Variants in CYS1 observed in about 807,000 individuals in gnomAD.
CYS1 encodes cystin-1.
In CYS1, 5 loss-of-function variants were observed where a neutral mutation model predicts 9.6. The ratio of observed to expected loss-of-function variants is 0.52; its 90% CI spans 0.27 to 1.10. The LOEUF (loss-of-function observed/expected upper bound fraction) is 1.10, where lower values mean the gene tolerates loss of function less well. CYS1 is among the 50% of genes least tolerant of loss of function. The pLI is 0.11. For synonymous variants in CYS1, 88 were observed against 95.7 expected, an observed-to-expected ratio of 0.92 and a Z score of 0.47; for missense variants, 221 against 207.9, an observed-to-expected ratio of 1.06 and a Z score of -0.39.
At chr2:10,061,252 C>CAAA (rs1558356692) in intron 2 of CYS1, among the ~76,000 whole-genome samples, 5,347 of 151,918 alleles carry the variant, frequency 0.035, 338 homozygotes, top group African/African-American at 0.12. Flanking sequence ...AACCAACCAA[C>CAAA]CAAACAAACA....
intron 1 of CYS1, among the ~76,000 whole-genome samples, chr2:10,075,476 T>C (rs1661830506): frequency 6.6e-6 from 1 of 152,256 alleles, no homozygotes; most frequent in Non-Finnish European, 1.5e-5. Context: ...TGCTACAGAC[T>C]TGAACGCAGG....
chr2:10,072,818 G>GGGCT (rs1158686763), intron 1 of CYS1, among the ~76,000 whole-genome samples: 1 of 152,214 alleles, frequency 6.6e-6, no homozygotes, highest in East Asian at 1.9e-4. Context: ...CTCCACTGTA[G>GGGCT]GGCTTTGCAG....
chr2:10,058,946 G>A lies in CYS1; in HGVS notation c.384C>T (p.Ser128=). ...CCGGCCTCTCGGGCTTCTTGCGACC[G>A]CTGCCTGGGGCTCTGTGGGTCAGAA... ...GSGNVSEAPG[S]GRKKPERPAA... The change falls in exon 3 of 3, where the codon AGC becomes AGT. Residue 128 remains serine (S), a synonymous_variant. Transcript: ENST00000381813. 6.3e-7 allele frequency: 1 copy of A among 1,584,406 alleles called. No individual in the cohort carries two copies.
In CYS1 at chr2:10,058,597, T is replaced by C; in HGVS notation, c.*256A>G. 1.3e-5 allele frequency: 5 copies of C among 391,226 alleles called. No homozygotes were observed. In the South Asian group the frequency reaches 3.4e-4, roughly 26 times the overall value. 24.2% of individuals were successfully genotyped at this position (391,226 alleles called of 1,614,324 possible). A position where few individuals can be genotyped will look rare whatever the true frequency, so the allele number is the denominator to read the frequency against. Reference sequence around the variant, plus strand: ...GAAGAACTGGGCAGGCTCCCCGCGTTGGGGAGGAGGCGCCGGCGGCCCAGG... The same window carrying C: ...GAAGAACTGGGCAGGCTCCCCGCGTCGGGGAGGAGGCGCCGGCGGCCCAGG... On this transcript the variant is annotated 3_prime_UTR_variant, in exon 3 of 3. Coordinates refer to ENST00000381813, the MANE Select transcript of CYS1 (RefSeq NM_001037160.3).
Position 10,058,896 on chromosome 2 carries a change from T to TC in CYS1, c.433dup (p.Glu145GlyfsTer41). Reference sequence around the variant, plus strand: ...CTCGATGCTCGCCATCAGCCCCTCTTCCGAGTGGTCGTAGGAGATGGCTGC... The same window carrying TC: ...CTCGATGCTCGCCATCAGCCCCTCTTCCCGAGTGGTCGTAGGAGATGGCTGC... On this transcript the variant is annotated frameshift_variant, in exon 3 of 3. Coordinates refer to ENST00000381813, the MANE Select transcript of CYS1 (RefSeq NM_001037160.3). LOFTEE classifies it high-confidence loss of function. 6.3e-7 allele frequency: 1 copy of TC among 1,595,616 alleles called. No homozygotes were observed. The highest frequency in any genetic ancestry group is 8.5e-7 in the Non-Finnish European group (1 of 1,171,708).
At chr2:10,059,063 C>T in intron 2 of CYS1, 105 bp from the exon 3 acceptor site, 1 of 1,067,940 alleles carries the variant, frequency 9.4e-7, no homozygotes. Context: ...TCCTGAAACC[C>T]AAACCGAAGT....
intron 1 of CYS1, among the ~76,000 whole-genome samples, chr2:10,069,550 G>A (rs990737852): frequency 6.6e-6 from 1 of 152,018 alleles, no homozygotes; most frequent in African/African-American, 2.4e-5. Context: ...TGTATTTTTA[G>A]CAGAGACAGG....
chr2:10,074,089 C>T (rs549278675), intron 1 of CYS1, among the ~76,000 whole-genome samples: 1 of 152,248 alleles, frequency 6.6e-6, no homozygotes, highest in Admixed American at 6.5e-5. Context: ...GGCTTGGCAT[C>T]CTTCCCCACC....
At chr2:10,070,886 C>T (rs1000286979) in intron 1 of CYS1, among the ~76,000 whole-genome samples, 57 of 152,234 alleles carry the variant, frequency 3.7e-4, no homozygotes, top group Middle Eastern at 3.4e-3. Flanking sequence ...TCAAGCGATC[C>T]CCCCACCTCG....
chr2:10,078,778 G>A (rs1572463055), intron 1 of CYS1, among the ~76,000 whole-genome samples: 2 of 152,196 alleles, frequency 1.3e-5, no homozygotes, highest in African/African-American at 2.4e-5. Context: ...CACCCACAGC[G>A]GGACCGGTGC....
chr2:10,065,053 T>C (rs1661677054), intron 2 of CYS1, among the ~76,000 whole-genome samples: 1 of 152,070 alleles, frequency 6.6e-6, no homozygotes, highest in Non-Finnish European at 1.5e-5. Context: ...CTTCAAGCCA[T>C]CTTAAACACC....
At position 10,060,917 on chromosome 2, in the gene CYS1, G is replaced by C. The variant is rs982398955; in HGVS notation, c.372-1959C>G. Among the ~76,000 whole-genome samples the C allele has an allele frequency of 6.6e-5, 10 of 152,326 alleles. No individual in the cohort carries two copies. The East Asian group carries it at 1.2e-3, about 18-fold the overall frequency. On this transcript the variant is annotated intron_variant, in intron 2 of 2. Transcript: ENST00000381813. ...GGAAGCACTCAACAGAAGTCGCTGC[G>C]ATGCTGTTAGTTTCGCAGTGGCTCA...
At chr2:10,073,624 G>A (rs1462800725) in intron 1 of CYS1, among the ~76,000 whole-genome samples, 1 of 149,724 alleles carries the variant, frequency 6.7e-6, no homozygotes, top group Admixed American at 6.6e-5. Context: ...CTGGGTAATG[G>A]GCTCACGGCA....
chr2:10,080,174 C>A lies in CYS1; in HGVS notation c.50G>T (p.Ser17Ile). The A allele has an allele frequency of 9.4e-7, 1 of 1,069,102 alleles. No individual in the cohort carries two copies. Among genetic ancestry groups the A allele is most frequent in the Non-Finnish European group, 1.1e-6 (1 of 885,920 alleles). 66.2% of individuals were successfully genotyped at this position (1,069,102 alleles called of 1,614,324 possible). Residue 17 changes from serine to isoleucine, a missense_variant, in exon 1 of 3, where the codon AGC (serine) becomes ATC (isoleucine). By Grantham distance (142) the Ser-to-Ile change is moderately radical. Transcript: ENST00000381813. The surrounding 1 kb of genome is among the most constrained non-coding windows in gnomAD (Gnocchi z 6.4). Reference protein sequence around the residue: ...RSSRTLRRRRSPESLPAGPGA... With the variant: ...RSSRTLRRRRIPESLPAGPGA... ...GGGCCCCGCGGGGAGGCTCTCGGGG[C>A]TGCGCCGCCGCCTCAGAGTCCGGCT... is the stretch of plus-strand genomic sequence containing the variant.
At chr2:10,077,720 C>A (rs1048813109) in intron 1 of CYS1, among the ~76,000 whole-genome samples, 2 of 152,092 alleles carry the variant, frequency 1.3e-5, no homozygotes, top group South Asian at 4.1e-4. Context: ...CAGGCGTTAT[C>A]TGAAAATAAT....
intron 2 of CYS1, 86 bp downstream of exon 2, chr2:10,065,818 T>C: frequency 3.0e-6 from 4 of 1,341,648 alleles, no homozygotes; most frequent in Non-Finnish European, 4.3e-6. Flanking sequence ...TGGAGGAAAG[T>C]GGGGGACAGG....
intron 1 of CYS1, among the ~76,000 whole-genome samples, chr2:10,075,199 G>A (rs890136206): frequency 5.3e-5 from 8 of 151,946 alleles, no homozygotes; most frequent in South Asian, 2.1e-4. Context: ...TTTGTCAACC[G>A]CTGGAACACA....
intron 2 of CYS1, among the ~76,000 whole-genome samples, chr2:10,059,422 C>T (rs538722642): frequency 3.2e-4 from 49 of 152,362 alleles, no homozygotes; most frequent in African/African-American, 7.9e-4. Flanking sequence ...CACGGCCAGG[C>T]GCAGTGGCTC....
rs1661843241 is a variant in CYS1, at chr2:10,076,372, C to T, written c.318+3534G>A. On this transcript the variant is annotated intron_variant, in intron 1 of 2. Transcript: ENST00000381813. This position sits in a 1 kb window ranked among gnomAD's most constrained non-coding sequence, Gnocchi z 4.3. ...GCAGCACCATCCCTACCGCCATCCA[C>T]TACTGCTGCGCTGTAAAAAGAGCCT... is the stretch of plus-strand genomic sequence containing the variant. Among the ~76,000 whole-genome samples the T allele has an allele frequency of 6.6e-6, 1 of 152,110 alleles. No homozygotes were observed. Among genetic ancestry groups the T allele is most frequent in the Non-Finnish European group, 1.5e-5 (1 of 68,010 alleles).
Sources: gnomAD v4.1 joint callset for allele counts (sites outside exome capture counted in the v4.1 genomes callset) on GRCh38, gnomAD v4.1.1 for gene constraint, Gnocchi (gnomAD v3.1) non-coding constraint, MANE v1.5 for transcripts, NCBI Gene and HGNC (gene_info 2026-07-23, HGNC 2026-07-21) for gene names.